MYO16: variants seen among roughly 807,000 people sequenced by gnomAD.
MYO16 encodes the protein myosin XVI, also known as unconventional myosin-XVI.
Under a neutral mutation model 205.3 loss-of-function variants are expected in MYO16, and 94 were observed. That is an observed-to-expected ratio of 0.46 (90% CI 0.39 to 0.54). The LOEUF (loss-of-function observed/expected upper bound fraction) is 0.54, where lower values mean the gene tolerates loss of function less well. MYO16 is among the 20% of genes least tolerant of loss of function. MYO16 has a pLI of 0.00. For synonymous variants in MYO16, 988 were observed against 954.0 expected, an observed-to-expected ratio of 1.04 and a Z score of -0.66; for missense variants, 2,315 against 2,387.5, an observed-to-expected ratio of 0.97 and a Z score of 0.63.
rs1886429605 is a variant in MYO16, at chr13:108,785,497, T to C, written c.508-138T>C. The C allele has an allele frequency of 8.3e-6, 4 of 479,762 alleles. No homozygotes were observed. In the East Asian group the frequency reaches 1.3e-4, roughly 15 times the overall value. The allele number at this position is 479,762 out of a possible 1,614,324, so 29.7% of individuals were successfully genotyped here. On this transcript the variant is annotated intron_variant, in intron 4 of 34. Coordinates refer to ENST00000457511, the MANE Select transcript of MYO16 (RefSeq NM_001198950.3). ...TTTGTCTTAAAAAATAATTCGAGCT[T>C]CCTACCCGATTCTTCAGGGTGATAT...
At chr13:109,165,199 C>A in intron 33 of MYO16, 140 bp downstream of exon 33, 1 of 619,368 alleles carries the variant, frequency 1.6e-6, no homozygotes, top group Non-Finnish European at 2.7e-6. Context: ...AACTCCCCTG[C>A]AAGTATTATT....
At chr13:109,129,071 C>CT (rs372300769) in intron 31 of MYO16, among the ~76,000 whole-genome samples, 2,357 of 128,168 alleles carry the variant, frequency 0.018, 38 homozygotes, top group African/African-American at 0.044. Flanking sequence ...TGCGCCAGGC[C>CT]TTTTTTTTTT....
In MYO16 at chr13:109,020,032, A is replaced by C. The variant is rs1472634962; in HGVS notation, c.2796+121A>C. The C allele has an allele frequency of 5.5e-6, 5 of 915,348 alleles. No homozygotes were observed. In the African/African-American group the frequency reaches 6.7e-5, roughly 12 times the overall value. The allele number at this position is 915,348 out of a possible 1,614,324, so 56.7% of individuals were successfully genotyped here. ...TTGGATAAATGGAAGCTGGATGAAC[A>C]ACCCACAACATGTACTTTTCTAAGT... On this transcript the variant is annotated intron_variant, in intron 23 of 34. Transcript: ENST00000457511.
At chr13:108,652,358 G>A (rs1004950907) in intron 1 of MYO16, among the ~76,000 whole-genome samples, 1 of 152,150 alleles carries the variant, frequency 6.6e-6, no homozygotes, top group African/African-American at 2.4e-5. Context: ...TGTTTTTAAA[G>A]CCCCATAATC....
At chr13:108,569,772 C>T in the MYO16 span, among the ~76,000 whole-genome samples, 3 of 152,106 alleles carry the variant, frequency 2.0e-5, no homozygotes, top group Admixed American at 1.3e-4. Context: ...AGTATATTAG[C>T]TCTGGGTTTT....
intron 21 of MYO16, among the ~76,000 whole-genome samples, chr13:108,997,855 G>C (rs892629936): frequency 6.6e-6 from 1 of 152,036 alleles, no homozygotes; most frequent in African/African-American, 2.4e-5. Context: ...GAAGAAAAAA[G>C]AATTGTGATA....
intron 21 of MYO16, among the ~76,000 whole-genome samples, chr13:109,001,291 G>A (rs564191626): frequency 6.6e-6 from 1 of 152,212 alleles, no homozygotes; most frequent in South Asian, 2.1e-4. Context: ...AGCTGTGGGT[G>A]GTAGCGAATG....
chr13:108,957,257 A>G (rs895483100), intron 16 of MYO16, among the ~76,000 whole-genome samples: 3 of 151,666 alleles, frequency 2.0e-5, no homozygotes, highest in Non-Finnish European at 4.4e-5. Context: ...GGTGGCACGC[A>G]CCTGTAATCC....
At chr13:109,120,853 C>T (rs1037823780) in intron 29 of MYO16, among the ~76,000 whole-genome samples, 1 of 152,032 alleles carries the variant, frequency 6.6e-6, no homozygotes, top group Non-Finnish European at 1.5e-5. Context: ...AGTTCAAGAC[C>T]AGCCTGGGCA....
chr13:108,985,709 A>G (rs1450522601), intron 20 of MYO16, among the ~76,000 whole-genome samples: 6 of 152,248 alleles, frequency 3.9e-5, no homozygotes, highest in African/African-American at 1.4e-4. Flanking sequence ...TGTAGTAGCC[A>G]GAGCCAACCG....
intron 34 of MYO16, among the ~76,000 whole-genome samples, chr13:109,180,732 C>T (rs530720737): frequency 1.3e-5 from 2 of 152,348 alleles, no homozygotes; most frequent in South Asian, 4.1e-4. Context: ...ATCACTTGCA[C>T]TGATATCCAG....
intron 11 of MYO16, among the ~76,000 whole-genome samples, chr13:108,857,672 T>A (rs1878252683): frequency 6.6e-6 from 1 of 152,220 alleles, no homozygotes; most frequent in African/African-American, 2.4e-5. Flanking sequence ...TGCTTTAAGA[T>A]GATCCTAGCC....
intron 1 of MYO16, among the ~76,000 whole-genome samples, chr13:108,631,293 A>G (rs553728988): frequency 1.3e-5 from 2 of 152,334 alleles, no homozygotes; most frequent in Admixed American, 1.3e-4. Context: ...GCAGCCATGG[A>G]GCATGGGTGG....
chr13:108,699,186 T>C (rs894615708), intron 2 of MYO16, among the ~76,000 whole-genome samples: 16 of 144,322 alleles, frequency 1.1e-4, no homozygotes, highest in African/African-American at 1.5e-4. Context: ...TATACACACA[T>C]GTATATATAG....
At chr13:108,652,682 C>G (rs1302932996) in intron 1 of MYO16, among the ~76,000 whole-genome samples, 1 of 152,172 alleles carries the variant, frequency 6.6e-6, no homozygotes, top group Non-Finnish European at 1.5e-5. Context: ...GTTTATTTCA[C>G]TTAAAAAGTG....
intron 24 of MYO16, among the ~76,000 whole-genome samples, chr13:109,050,097 A>T (rs1887196513): frequency 1.3e-5 from 2 of 152,072 alleles, no homozygotes; most frequent in South Asian, 4.1e-4. Context: ...AATATTCAAC[A>T]GGGATGTACT....
In MYO16 at chr13:109,005,291, A is replaced by G. The variant is rs536005959; in HGVS notation, c.2443-3606A>G. Among the ~76,000 whole-genome samples, 39 of 152,292 alleles carry G rather than the reference A, an allele frequency of 2.6e-4. No individual in the cohort carries two copies. The Middle Eastern group carries it at 0.014, about 53-fold the overall frequency. On this transcript the variant is annotated intron_variant, in intron 21 of 34. Transcript: ENST00000457511. ...AGAATGTTTTAGGGAAACTTCTTCT[A>G]TCTACAGAAATTAATTTATCACTGA...
chr13:108,541,325 G>A, the MYO16 span, among the ~76,000 whole-genome samples: 2 of 150,828 alleles, frequency 1.3e-5, no homozygotes, highest in African/African-American at 4.9e-5. Flanking sequence ...ATAGATACAT[G>A]TATTAATTCA....
At chr13:109,023,997 T>G (rs996952237) in intron 23 of MYO16, among the ~76,000 whole-genome samples, 3 of 102,508 alleles carry the variant, frequency 2.9e-5, no homozygotes, top group African/African-American at 9.4e-5. Flanking sequence ...TCTATATGTA[T>G]ATATAGAAAT....
Sources: allele counts gnomAD v4.1 joint callset (sites outside exome capture counted in the v4.1 genomes callset), GRCh38; gene constraint gnomAD v4.1.1; transcripts MANE v1.5; gene names NCBI Gene and HGNC (gene_info 2026-07-23, HGNC 2026-07-21).